The following HTR1D variants were observed in gnomAD, a reference collection of about 807,000 sequenced individuals.
The protein encoded by HTR1D is 5-hydroxytryptamine receptor 1D.
Under a neutral mutation model 21.1 loss-of-function variants are expected in HTR1D, and 18 were observed. That is an observed-to-expected ratio of 0.85 (90% CI 0.59 to 1.27). The LOEUF (loss-of-function observed/expected upper bound fraction) is 1.27, where lower values mean the gene tolerates loss of function less well. Ranked by LOEUF, HTR1D falls within the 50% of genes most tolerant of loss-of-function variation. The pLI is 0.00. For missense variants in HTR1D, 456 were observed against 481.4 expected, an observed-to-expected ratio of 0.95 and a Z score of 0.49; for synonymous variants, 196 against 204.4, an observed-to-expected ratio of 0.96 and a Z score of 0.35.
intron 1 of HTR1D, among the ~76,000 whole-genome samples, chr1:23,214,149 G>T (rs1278935399): frequency 6.6e-6 from 1 of 152,208 alleles, no homozygotes; most frequent in Non-Finnish European, 1.5e-5. Flanking sequence ...GTTTTTGGCT[G>T]GGTGCAATGG....
At chr1:23,212,975 T>C (rs904258778) in intron 1 of HTR1D, among the ~76,000 whole-genome samples, 3 of 152,030 alleles carry the variant, frequency 2.0e-5, no homozygotes, top group Non-Finnish European at 4.4e-5. Context: ...TACAGGTGCA[T>C]GCCACCACAT....
chr1:23,208,328 T>G (rs1348200419), intron 1 of HTR1D, among the ~76,000 whole-genome samples: 1 of 152,020 alleles, frequency 6.6e-6, no homozygotes, highest in Non-Finnish European at 1.5e-5. Context: ...TCCCATCACT[T>G]TGGGAGGTCG....
chr1:23,194,192 C>T lies in HTR1D; in HGVS notation c.28G>A (p.Gly10Ser), dbSNP rs367592590. The change falls in exon 2 of 2, where the codon GGC becomes AGC. Residue 10 changes from glycine (G) to serine (S), a missense_variant. By Grantham distance (56) the Gly-to-Ser change is moderately conservative. Coordinates refer to ENST00000374619, the MANE Select transcript of HTR1D (RefSeq NM_000864.5). MSPLNQSAE[G>S]LPQEASNRSL... ...CTGTTGGAGGCCTCCTGGGGAAGGC[C>T]TTCTGCTGACTGGTTCAGTGGGGAC... The T allele has an allele frequency of 8.1e-6, 13 of 1,613,700 alleles. No individual in the cohort carries two copies. The highest frequency in any genetic ancestry group is 1.1e-5 in the Non-Finnish European group (13 of 1,179,920).
chr1:23,203,448 G>A (rs2148241022), intron 1 of HTR1D, among the ~76,000 whole-genome samples: 1 of 152,230 alleles, frequency 6.6e-6, no homozygotes, highest in East Asian at 1.9e-4. Context: ...CTTGAGGCCA[G>A]GAGTTTGAGA....
chr1:23,199,415 CTTTTTTTTTTTTT>C (rs71020483), intron 1 of HTR1D, among the ~76,000 whole-genome samples: 10,713 of 44,294 alleles, frequency 0.24, 892 homozygotes, highest in African/African-American at 0.28. Context: ...CATGTGTGGT[CTTTTTTTTTTTTT>C]TTTTTTTTTT....
chr1:23,200,792 C>T (rs191437863), intron 1 of HTR1D, among the ~76,000 whole-genome samples: 88 of 152,278 alleles, frequency 5.8e-4, no homozygotes, highest in African/African-American at 1.6e-3. Context: ...TATCACTGCC[C>T]GTTTTGGTGA....
chr1:23,206,801 C>T (rs1644732654), intron 1 of HTR1D, among the ~76,000 whole-genome samples: 1 of 152,088 alleles, frequency 6.6e-6, no homozygotes, highest in Admixed American at 6.6e-5. Context: ...GACACAGTAA[C>T]AGGAGCTCCT....
Position 23,193,642 on chromosome 1 carries a change from GA to G in HTR1D, c.577del (p.Ser193LeufsTer37). 1 of 1,613,942 alleles carries G rather than the reference GA, an allele frequency of 6.2e-7. No homozygotes were observed. The highest frequency in any genetic ancestry group is 8.5e-7 in the Non-Finnish European group (1 of 1,179,910). ...EEMSDCLVNT[S>X]QISYTIYSTC... ...GGAGTAGATGGTGTAGGAGATCTGA[GA>G]GGTGTTCACCAGACAGTCCGACATC... On this transcript the variant is annotated frameshift_variant, in exon 2 of 2. Coordinates refer to ENST00000374619, the MANE Select transcript of HTR1D (RefSeq NM_000864.5). LOFTEE classifies it high-confidence loss of function.
intron 1 of HTR1D, among the ~76,000 whole-genome samples, chr1:23,214,284 G>A (rs1644765198): frequency 6.6e-6 from 1 of 152,026 alleles, no homozygotes; most frequent in Non-Finnish European, 1.5e-5. Context: ...AAAATTAGCT[G>A]GGCATGATGG....
intron 1 of HTR1D, among the ~76,000 whole-genome samples, chr1:23,200,474 G>A (rs1644705362): frequency 6.6e-6 from 1 of 152,220 alleles, no homozygotes; most frequent in African/African-American, 2.4e-5. Flanking sequence ...ACAGGAGTTT[G>A]GGGAGAACTG....
At chr1:23,214,027 C>A (rs1644764111) in intron 1 of HTR1D, among the ~76,000 whole-genome samples, 1 of 152,194 alleles carries the variant, frequency 6.6e-6, no homozygotes, top group Non-Finnish European at 1.5e-5. Flanking sequence ...CTATTTTCTT[C>A]CCACTCCAGT....
In HTR1D at chr1:23,193,067, G is replaced by T; in HGVS notation, c.*19C>A. ...GGTTACAGGACACAAAAGATAACAA[G>T]AGTCATCACCGAATAAGACTAGGAG... On this transcript the variant is annotated 3_prime_UTR_variant, in exon 2 of 2. Coordinates refer to ENST00000374619, the MANE Select transcript of HTR1D (RefSeq NM_000864.5). 1 of 1,531,768 alleles carries T rather than the reference G, an allele frequency of 6.5e-7. No individual in the cohort carries two copies. Among genetic ancestry groups the T allele is most frequent in the South Asian group, 1.2e-5 (1 of 82,376 alleles). The allele number at this position is 1,531,768 out of a possible 1,614,324, so 94.9% of individuals were successfully genotyped here.
In HTR1D at chr1:23,194,703, C is replaced by T. The variant is rs1644678467; in HGVS notation, c.-484G>A. The T allele has an allele frequency of 6.0e-6, 1 of 167,180 alleles. No homozygotes were observed. Among genetic ancestry groups the T allele is most frequent in the South Asian group, 2.1e-4 (1 of 4,832 alleles). 10.4% of individuals were successfully genotyped at this position (167,180 alleles called of 1,614,324 possible). On this transcript the variant is annotated 5_prime_UTR_variant, in exon 2 of 2. It adds an upstream start codon to the 5' untranslated region. Coordinates refer to ENST00000374619, the MANE Select transcript of HTR1D (RefSeq NM_000864.5). The stretch of plus-strand genomic sequence containing the variant: ...AATGAGAACTTCAGAATTCCCCTCA[C>T]AGTAATTGAAACGATTCTGGATTTA...
chr1:23,193,618 G>T lies in HTR1D; in HGVS notation c.602C>A (p.Ser201Tyr), dbSNP rs201426346. 516 of 1,614,148 alleles carry T rather than the reference G, an allele frequency of 3.2e-4. 3 individuals are homozygous for T. Among genetic ancestry groups the T allele is most frequent in the Non-Finnish European group, 1.9e-5 (23 of 1,180,020 alleles). ...NTSQISYTIY[S>Y]TCGAFYIPSV... Reference sequence around the variant, plus strand: ...GGGAATGTAGAAGGCCCCACAGGTGGAGTAGATGGTGTAGGAGATCTGAGA... The same window carrying T: ...GGGAATGTAGAAGGCCCCACAGGTGTAGTAGATGGTGTAGGAGATCTGAGA... The change falls in exon 2 of 2, where the codon TCC becomes TAC. Residue 201 changes from serine (S) to tyrosine (Y), a missense_variant. Ser to Tyr is a moderately radical substitution (Grantham distance 144). Coordinates refer to ENST00000374619, the MANE Select transcript of HTR1D (RefSeq NM_000864.5).
chr1:23,204,308 G>A (rs1329202745), intron 1 of HTR1D, among the ~76,000 whole-genome samples: 6 of 152,098 alleles, frequency 3.9e-5, no homozygotes. Context: ...GTATTTTTTA[G>A]TAGAGACGGG....
At chr1:23,206,134 T>C (rs1019930997) in intron 1 of HTR1D, among the ~76,000 whole-genome samples, 12 of 151,056 alleles carry the variant, frequency 7.9e-5, no homozygotes, top group African/African-American at 2.9e-4. Flanking sequence ...CTCCGCCTCC[T>C]GGGTTCACGC....
At position 23,193,104 on chromosome 1, in the gene HTR1D, A is replaced by T; in HGVS notation, c.1116T>A (p.Pro372=). 6.2e-7 allele frequency: 1 copy of T among 1,609,264 alleles called. No individual in the cohort carries two copies. Among genetic ancestry groups the T allele is most frequent in the Non-Finnish European group, 8.5e-7 (1 of 1,177,326 alleles). ...EFRQAFQKIV[P]FRKAS is the part of the protein sequence containing the mutation. ...AATAAGACTAGGAGGCCTTCCGGAA[A>T]GGGACAATTTTCTGAAAAGCTTGCC... Residue 372 remains proline (P), a synonymous_variant, in exon 2 of 2, where the codon CCT becomes CCA. Coordinates refer to ENST00000374619, the MANE Select transcript of HTR1D (RefSeq NM_000864.5).
chr1:23,195,408 T>C (rs1249587624), intron 1 of HTR1D, among the ~76,000 whole-genome samples: 3 of 152,228 alleles, frequency 2.0e-5, no homozygotes, highest in Non-Finnish European at 4.4e-5. Context: ...TTCTACTCAT[T>C]TGAATTTTCC....
intron 1 of HTR1D, among the ~76,000 whole-genome samples, chr1:23,215,419 A>T (rs1644769987): frequency 1.3e-5 from 2 of 152,176 alleles, no homozygotes; most frequent in Non-Finnish European, 2.9e-5. Context: ...CCTGTCTCAA[A>T]AACAAAAACA....
Sources: allele counts gnomAD v4.1 joint callset (sites outside exome capture counted in the v4.1 genomes callset), GRCh38; gene constraint gnomAD v4.1.1; transcripts MANE v1.5; gene names NCBI Gene and HGNC (gene_info 2026-07-23, HGNC 2026-07-21).